Variants in CDH8 observed in about 807,000 individuals in gnomAD.
The protein encoded by CDH8 is cadherin-8.
In CDH8, 17 loss-of-function variants were observed where a neutral mutation model predicts 68.1. That is an observed-to-expected ratio of 0.25 (90% CI 0.17 to 0.37). CDH8 has a LOEUF of 0.37. CDH8 is among the 10% of genes least tolerant of loss of function. The pLI, the probability that CDH8 is intolerant of heterozygous loss-of-function variation, is 1.00. For synonymous variants in CDH8, 372 were observed against 365.1 expected, an observed-to-expected ratio of 1.02 and a Z score of -0.21; for missense variants, 763 against 999.3, an observed-to-expected ratio of 0.76 and a Z score of 3.19.
chr16:61,798,278 G>T (rs944483295), intron 7 of CDH8, among the ~76,000 whole-genome samples: 2 of 152,118 alleles, frequency 1.3e-5, no homozygotes, highest in Non-Finnish European at 2.9e-5. Context: ...TTTAGTGACT[G>T]CCCCTTAGTG....
At chr16:61,885,711 CAAAAAAA>C (rs5817322) in intron 3 of CDH8, among the ~76,000 whole-genome samples, 1 of 116,474 alleles carries the variant, frequency 8.6e-6, no homozygotes, top group African/African-American at 3.0e-5. Flanking sequence ...AATAGCAATC[CAAAAAAA>C]AAAAAAAAAG....
At chr16:61,660,597 G>T (rs1273087419) in intron 10 of CDH8, among the ~76,000 whole-genome samples, 2 of 151,882 alleles carry the variant, frequency 1.3e-5, no homozygotes, top group Admixed American at 1.3e-4. Context: ...AAAGCTCAGG[G>T]AACTCCAAGA....
At chr16:61,888,157 TC>T (rs1017385239) in intron 3 of CDH8, among the ~76,000 whole-genome samples, 2 of 152,150 alleles carry the variant, frequency 1.3e-5, no homozygotes, top group African/African-American at 4.8e-5. Flanking sequence ...TCACAGCTCC[TC>T]CGGCTTCTTA....
chr16:61,837,153 C>T (rs1301990768), intron 4 of CDH8, among the ~76,000 whole-genome samples: 1 of 151,958 alleles, frequency 6.6e-6, no homozygotes, highest in African/African-American at 2.4e-5. Flanking sequence ...CTCCTCCTCC[C>T]CTTATGCCTC....
chr16:61,828,614 T>A (rs1465351885), intron 4 of CDH8, among the ~76,000 whole-genome samples: 1 of 151,842 alleles, frequency 6.6e-6, no homozygotes, highest in Non-Finnish European at 1.5e-5. Flanking sequence ...ATTTACAAAA[T>A]ATTTATTGAA....
chr16:61,727,295 G>A (rs1959403542), intron 8 of CDH8, 80 bp from the exon 9 acceptor site: 5 of 1,415,722 alleles, frequency 3.5e-6, no homozygotes, highest in Non-Finnish European at 4.8e-6. Flanking sequence ...GAAAGCATGT[G>A]TGTCTGTTTC....
intron 2 of CDH8, among the ~76,000 whole-genome samples, chr16:62,011,595 T>C (rs1901814275): frequency 6.6e-6 from 1 of 152,204 alleles, no homozygotes; most frequent in African/African-American, 2.4e-5. Context: ...TGATTGATGA[T>C]TGGCTGATTT....
chr16:61,822,205 C>CTTTTTTTTTTTTTTTT (rs71707137), intron 5 of CDH8, among the ~76,000 whole-genome samples: 1 of 45,648 alleles, frequency 2.2e-5, no homozygotes, highest in Non-Finnish European at 3.6e-5. Context: ...AAAAACGCAC[C>CTTTTTTTTTTTTTTTT]TTTTTTTTTT....
chr16:61,664,327 G>C (rs1963625523), intron 10 of CDH8, among the ~76,000 whole-genome samples: 1 of 151,860 alleles, frequency 6.6e-6, no homozygotes, highest in Non-Finnish European at 1.5e-5. Context: ...GAGTAACGGA[G>C]ATAAGACAGA....
chr16:61,895,941 C>A (rs1379267239), intron 3 of CDH8, among the ~76,000 whole-genome samples: 1 of 151,934 alleles, frequency 6.6e-6, no homozygotes, highest in Non-Finnish European at 1.5e-5. Context: ...ATGGTTTATG[C>A]CACTTACGCA....
intron 8 of CDH8, among the ~76,000 whole-genome samples, chr16:61,735,450 C>A (rs1485497336): frequency 6.6e-6 from 1 of 152,100 alleles, no homozygotes; most frequent in Non-Finnish European, 1.5e-5. Flanking sequence ...AGGTTAAGTA[C>A]CCCATAACTC....
At chr16:62,022,634 C>A (rs1203873867) in intron 1 of CDH8, among the ~76,000 whole-genome samples, 1 of 152,136 alleles carries the variant, frequency 6.6e-6, no homozygotes, top group Non-Finnish European at 1.5e-5. Flanking sequence ...AAAATAAGTT[C>A]TCAGGACACC....
intron 9 of CDH8, among the ~76,000 whole-genome samples, chr16:61,723,532 G>T (rs1435281368): frequency 6.6e-6 from 1 of 150,708 alleles, no homozygotes; most frequent in Non-Finnish European, 1.5e-5. Context: ...CTGTCCAGAA[G>T]ATTTGAAACA....
intron 4 of CDH8, among the ~76,000 whole-genome samples, chr16:61,840,950 T>A (rs187653266): frequency 0.011 from 1,629 of 152,028 alleles, 23 homozygotes; most frequent in African/African-American, 0.036. Flanking sequence ...TAACTTTTTT[T>A]AAAAAATAAA....
intron 2 of CDH8, among the ~76,000 whole-genome samples, chr16:61,957,317 A>T (rs1350989945): frequency 6.6e-6 from 1 of 152,068 alleles, no homozygotes; most frequent in Non-Finnish European, 1.5e-5. Flanking sequence ...GACCACCTAC[A>T]GTCTATCTGA....
At chr16:61,804,230 A>G (rs1961739839) in intron 7 of CDH8, among the ~76,000 whole-genome samples, 1 of 151,518 alleles carries the variant, frequency 6.6e-6, no homozygotes, top group African/African-American at 2.4e-5. Context: ...TGGGTACGTA[A>G]CGAAATGAAG....
intron 8 of CDH8, among the ~76,000 whole-genome samples, chr16:61,774,492 G>A (rs1960858365): frequency 1.4e-5 from 2 of 147,512 alleles, no homozygotes; most frequent in Non-Finnish European, 3.0e-5. Flanking sequence ...TAAAGATCCA[G>A]AAAGCCATAA....
intron 8 of CDH8, among the ~76,000 whole-genome samples, chr16:61,740,953 T>A (rs1460351531): frequency 6.6e-6 from 1 of 152,142 alleles, no homozygotes; most frequent in Non-Finnish European, 1.5e-5. Context: ...AGCTTTCGCA[T>A]TTTTTTCCAA....
chr16:62,015,009 C>G (rs886362506), intron 2 of CDH8, among the ~76,000 whole-genome samples: 2 of 151,890 alleles, frequency 1.3e-5, no homozygotes, highest in Admixed American at 6.6e-5. Flanking sequence ...CATATACCCC[C>G]CCACCACAAA....
Sources: allele counts gnomAD v4.1 joint callset (sites outside exome capture counted in the v4.1 genomes callset), GRCh38; gene constraint gnomAD v4.1.1; transcripts MANE v1.5; gene names NCBI Gene and HGNC (gene_info 2026-07-23, HGNC 2026-07-21).